Variants in TOX observed in about 807,000 individuals in gnomAD.
TOX encodes the protein thymocyte selection associated high mobility group box.
Under a neutral mutation model 53.7 loss-of-function variants are expected in TOX, and 11 were observed. The observed-to-expected ratio is 0.20, with a 90% CI of 0.13 to 0.34. The LOEUF (loss-of-function observed/expected upper bound fraction) is 0.34. TOX is among the 10% of genes least tolerant of loss of function. TOX has a pLI of 1.00. For missense variants in TOX, 570 were observed against 664.6 expected (o/e 0.86, Z 1.56); for synonymous variants, 225 against 245.3 (o/e 0.92, Z 0.77).
chr8:59,118,976 T>G lies in TOX; in HGVS notation c.12A>C (p.Arg4Ser). The change falls in exon 1 of 9, where the codon AGA becomes AGC. Residue 4 changes from arginine to serine, a missense_variant. Physicochemically the swap from Arg to Ser is moderately radical, Grantham distance 110. Around this residue, in one of 3 missense-constraint regions of TOX, gnomAD observed 282 missense variants for 315.0 expected, o/e 0.90. Coordinates refer to ENST00000361421, the MANE Select transcript of TOX (RefSeq NM_014729.3). The surrounding 1 kb of genome is among the most constrained non-coding windows in gnomAD (Gnocchi z 4.1). The part of the protein sequence containing the change: MDV[R>S]FYPPPAQPAA... ...CGGGCTGGGCTGGAGGTGGATAAAA[T>G]CTTACGTCCATTTCACTCTCACATC... The G allele has an allele frequency of 6.2e-7, 1 of 1,602,684 alleles. No homozygotes were observed. Among genetic ancestry groups the G allele is most frequent in the Non-Finnish European group, 8.5e-7 (1 of 1,173,838 alleles).
At chr8:58,910,676 C>G (rs1050103731) in intron 3 of TOX, among the ~76,000 whole-genome samples, 1 of 152,198 alleles carries the variant, frequency 6.6e-6, no homozygotes, top group African/African-American at 2.4e-5. Flanking sequence ...ATGTATTTAT[C>G]AAGCACCTTT....
chr8:58,976,052 C>T (rs550775927), intron 1 of TOX, among the ~76,000 whole-genome samples: 7 of 144,760 alleles, frequency 4.8e-5, no homozygotes, highest in African/African-American at 1.5e-4. Flanking sequence ...AGCCTGGAGA[C>T]AGAGTGAGAC....
At chr8:58,897,122 C>T (rs898573324) in intron 3 of TOX, among the ~76,000 whole-genome samples, 1 of 152,126 alleles carries the variant, frequency 6.6e-6, no homozygotes, top group Non-Finnish European at 1.5e-5. Flanking sequence ...GGCATTTACA[C>T]CTTGCATTAT....
At chr8:59,067,325 G>T (rs1444269467) in intron 1 of TOX, among the ~76,000 whole-genome samples, 1 of 152,190 alleles carries the variant, frequency 6.6e-6, no homozygotes, top group Non-Finnish European at 1.5e-5. Context: ...AGGTCGAGGA[G>T]GGAGGATCAT....
chr8:58,845,299 C>T (rs944553889), intron 4 of TOX, among the ~76,000 whole-genome samples: 3 of 152,078 alleles, frequency 2.0e-5, no homozygotes, highest in Non-Finnish European at 4.4e-5. Flanking sequence ...CATAGAACTC[C>T]ACTTATAACT....
At chr8:58,965,901 T>C (rs925885406) in intron 1 of TOX, among the ~76,000 whole-genome samples, 1 of 142,076 alleles carries the variant, frequency 7.0e-6, no homozygotes, top group African/African-American at 2.6e-5. Flanking sequence ...ATCGTTTTTT[T>C]TTTTTTTTTT....
chr8:58,999,393 G>C (rs1338046619), intron 1 of TOX, among the ~76,000 whole-genome samples: 1 of 151,538 alleles, frequency 6.6e-6, no homozygotes, highest in Non-Finnish European at 1.5e-5. Context: ...GCATGGTATA[G>C]TAAGTCAAAG....
chr8:58,915,252 CACAG>C (rs1563388555), intron 3 of TOX, among the ~76,000 whole-genome samples: 2 of 145,010 alleles, frequency 1.4e-5, no homozygotes, highest in Non-Finnish European at 3.0e-5. Flanking sequence ...GGGGGCAGGG[CACAG>C]ACAAACAAAA....
intron 1 of TOX, among the ~76,000 whole-genome samples, chr8:59,065,981 G>T (rs1350584681): frequency 6.6e-6 from 1 of 152,194 alleles, no homozygotes; most frequent in Non-Finnish European, 1.5e-5. Context: ...TCTGAATGCT[G>T]AATTCCTCCA....
intron 3 of TOX, among the ~76,000 whole-genome samples, chr8:58,867,575 T>C (rs954043280): frequency 1.3e-5 from 2 of 152,228 alleles, no homozygotes; most frequent in Non-Finnish European, 2.9e-5. Flanking sequence ...CAATCTAACA[T>C]TGTCTAGGGT....
At chr8:59,027,845 T>A (rs963908239) in intron 1 of TOX, among the ~76,000 whole-genome samples, 17 of 152,184 alleles carry the variant, frequency 1.1e-4, no homozygotes, top group African/African-American at 4.1e-4. Flanking sequence ...AACATGGTAA[T>A]AGGTCCTTTC....
chr8:58,966,603 T>A (rs1812905455), intron 1 of TOX, among the ~76,000 whole-genome samples: 1 of 152,158 alleles, frequency 6.6e-6, no homozygotes, highest in African/African-American at 2.4e-5. Flanking sequence ...TGGGGCTGAG[T>A]TTGTATTTTC....
chr8:59,015,148 G>C (rs541037170), intron 1 of TOX, among the ~76,000 whole-genome samples: 51 of 152,264 alleles, frequency 3.3e-4, no homozygotes, highest in African/African-American at 1.2e-3. Context: ...GCCCTGGACG[G>C]GACAGCCAGT....
At chr8:59,033,864 T>G (rs1814402724) in intron 1 of TOX, among the ~76,000 whole-genome samples, 1 of 152,188 alleles carries the variant, frequency 6.6e-6, no homozygotes, top group African/African-American at 2.4e-5. Flanking sequence ...GTGGGGCTGC[T>G]CCTGTGACCT....
At chr8:58,900,999 C>A (rs1226788137) in intron 3 of TOX, among the ~76,000 whole-genome samples, 1 of 152,020 alleles carries the variant, frequency 6.6e-6, no homozygotes, top group Non-Finnish European at 1.5e-5. Flanking sequence ...TAACCCTATA[C>A]CTTGGACAGC....
intron 1 of TOX, among the ~76,000 whole-genome samples, chr8:59,062,048 T>C (rs1419770738): frequency 6.6e-6 from 1 of 152,188 alleles, no homozygotes; most frequent in Admixed American, 6.5e-5. Context: ...TTTTGGGATC[T>C]CCAGTGTGTC....
intron 2 of TOX, among the ~76,000 whole-genome samples, chr8:58,956,924 A>G (rs922938102): frequency 6.6e-6 from 1 of 152,180 alleles, no homozygotes; most frequent in Non-Finnish European, 1.5e-5. Context: ...TAAATACTGT[A>G]TTATTAACTA....
chr8:58,824,435 A>G (rs1250272350), intron 6 of TOX, among the ~76,000 whole-genome samples: 1 of 152,080 alleles, frequency 6.6e-6, no homozygotes, highest in Non-Finnish European at 1.5e-5. Flanking sequence ...CATCTTTCCA[A>G]CTTCAGCTCA....
intron 2 of TOX, among the ~76,000 whole-genome samples, chr8:58,948,830 T>G (rs1210453771): frequency 6.6e-6 from 1 of 151,368 alleles, no homozygotes; most frequent in East Asian, 1.9e-4. Flanking sequence ...TTAAAAAAAT[T>G]AGAAAATATA....
Sources: allele counts gnomAD v4.1 joint callset (sites outside exome capture counted in the v4.1 genomes callset), GRCh38; gene constraint gnomAD v4.1.1; regional missense constraint gnomAD v4.1.1; non-coding constraint Gnocchi (gnomAD v3.1); transcripts MANE v1.5; gene names NCBI Gene and HGNC (gene_info 2026-07-23, HGNC 2026-07-21).